The following POLI variants were observed in gnomAD, a reference collection of about 807,000 sequenced individuals.
POLI encodes DNA polymerase iota.
In POLI, 58 loss-of-function variants were observed where a neutral mutation model predicts 51.6. The observed-to-expected ratio is 1.12, with a 90% CI of 0.91 to 1.40. The LOEUF (loss-of-function observed/expected upper bound fraction) is 1.40, where lower values mean the gene tolerates loss of function less well. Among genes scored for constraint, POLI ranks in the 40% most tolerant of loss-of-function variants. The probability of loss-of-function intolerance (pLI) is 0.00; values close to 1 mark genes in which losing one functional copy is unlikely to be tolerated. For missense variants in POLI, 921 were observed against 871.3 expected (o/e 1.06, Z -0.72); for synonymous variants, 322 against 299.7 (o/e 1.07, Z -0.77).
intron 3 of POLI, among the ~76,000 whole-genome samples, chr18:54,306,725 G>T (rs1451045729): frequency 6.6e-6 from 1 of 152,096 alleles, no homozygotes; most frequent in Non-Finnish European, 1.5e-5. Flanking sequence ...TGGTTGGTAG[G>T]CTATTAATTG....
At chr18:54,280,952 T>TATACGTCTTATACATATACGTC in intron 5 of POLI, 49 bp downstream of exon 5, 1 of 997,728 alleles carries the variant, frequency 1.0e-6, no homozygotes, top group South Asian at 1.7e-5. Context: ...TTTTATTTCT[T>TATACGTCTTATACATATACGTC]TTAATTTAAA....
rs938330372 is a variant in POLI, at chr18:54,296,322, C to T, written c.*1855C>T. 5.0e-5 allele frequency: 49 copies of T among 984,830 alleles called. 1 individual carries two copies. The highest frequency in any genetic ancestry group is 2.4e-4 in the African/African-American group (14 of 57,324). The allele number at this position is 984,830 out of a possible 1,614,324, so 61.0% of individuals were successfully genotyped here. On this transcript the variant is annotated 3_prime_UTR_variant, in exon 10 of 10. Transcript: ENST00000579534. ...ATACATTTCATAGATTGAGAATGTACGGGCTATGTCACAGTTACGCTACTT... is the reference window on the plus strand; with the variant it reads ...ATACATTTCATAGATTGAGAATGTATGGGCTATGTCACAGTTACGCTACTT...
intron 3 of POLI, chr18:54,311,182 C>A: frequency 1.3e-6 from 1 of 797,184 alleles, no homozygotes; most frequent in Non-Finnish European, 1.5e-6. Flanking sequence ...ACAATTGTAA[C>A]CCAGTGATAA....
Position 54,280,718 on chromosome 18 carries a change from T to G in POLI, c.611T>G (p.Ile204Ser), listed in dbSNP as rs746619873. ...LHIRLLVGSQ[I>S]AAEMREAMYN... is the part of the protein sequence containing the mutation. ...ATCAGACTACTTGTTGGATCTCAGA[T>G]TGCAGCAGAGATGCGGGAAGCCATG... The change falls in exon 5 of 10, where the codon ATT becomes AGT. Residue 204 changes from isoleucine to serine, a missense_variant. By Grantham distance (142) the Ile-to-Ser change is moderately radical (BLOSUM62 -2). Transcript: ENST00000579534. The G allele has an allele frequency of 3.7e-6, 6 of 1,613,834 alleles. No homozygotes were observed. Among genetic ancestry groups the G allele is most frequent in the Non-Finnish European group, 5.1e-6 (6 of 1,179,830 alleles).
rs2088126780 is a variant in POLI at position 54,293,556 on chromosome 18, A to G, written c.1405-93A>G. On this transcript the variant is annotated intron_variant, in intron 9 of 9. Transcript: ENST00000579534. ...GTTGTATTTGTTGAGTAGGTTAGAA[A>G]CATGTCAGATAATAGCTACAGGCAC... 5.8e-6 allele frequency: 5 copies of G among 864,414 alleles called. No individual in the cohort carries two copies. The South Asian group carries it at 7.6e-5, about 13-fold the overall frequency. 53.5% of individuals were successfully genotyped at this position (864,414 alleles called of 1,614,324 possible). A position where few individuals can be genotyped will look rare whatever the true frequency, so the allele number is the denominator to read the frequency against.
At chr18:54,278,723 C>G (rs541529056) in intron 4 of POLI, among the ~76,000 whole-genome samples, 1 of 152,340 alleles carries the variant, frequency 6.6e-6, no homozygotes, top group Admixed American at 6.5e-5. Context: ...TGAAAATAAG[C>G]TGCAGTAAGC....
At chr18:54,313,726 G>T (rs981089967) in intron 3 of POLI, among the ~76,000 whole-genome samples, 2 of 152,066 alleles carry the variant, frequency 1.3e-5, no homozygotes, top group African/African-American at 2.4e-5. Flanking sequence ...ATTGTGAATG[G>T]GATTGTGTTC....
intron 3 of POLI, among the ~76,000 whole-genome samples, chr18:54,317,032 C>A (rs975666488): frequency 2.6e-5 from 4 of 152,170 alleles, no homozygotes; most frequent in Non-Finnish European, 4.4e-5. Context: ...CCATCATTAT[C>A]TTTTCAAAAT....
intron 2 of POLI, among the ~76,000 whole-genome samples, chr18:54,271,969 CTTTTTA>C (rs2087025911): frequency 6.6e-6 from 1 of 152,252 alleles, no homozygotes. Context: ...ACATAAGCAT[CTTTTTA>C]AATAAAAGCC....
chr18:54,300,654 A>G (rs2088474820), downstream of POLI, among the ~76,000 whole-genome samples: 1 of 152,198 alleles, frequency 6.6e-6, no homozygotes, highest in Admixed American at 6.5e-5. Context: ...AAAAACCTCA[A>G]TTAAAGGGCA....
At chr18:54,273,264 G>C (rs1163889190) in intron 2 of POLI, among the ~76,000 whole-genome samples, 2 of 151,422 alleles carry the variant, frequency 1.3e-5, no homozygotes, top group African/African-American at 4.8e-5. Context: ...CCCAGCACTT[G>C]TTTTATATAT....
intron 9 of POLI, among the ~76,000 whole-genome samples, chr18:54,293,309 T>TA (rs1182930353): frequency 6.6e-6 from 1 of 152,060 alleles, no homozygotes; most frequent in African/African-American, 2.4e-5. Flanking sequence ...AAAATACCCT[T>TA]AGGTGAACTT....
chr18:54,312,676 G>A (rs1157397425), intron 3 of POLI, among the ~76,000 whole-genome samples: 1 of 152,122 alleles, frequency 6.6e-6, no homozygotes, highest in Admixed American at 6.5e-5. Flanking sequence ...GTATTTCATT[G>A]TGATTTTGGA....
downstream of POLI, among the ~76,000 whole-genome samples, chr18:54,299,306 A>G (rs1284589986): frequency 6.6e-6 from 1 of 152,170 alleles, no homozygotes; most frequent in Non-Finnish European, 1.5e-5. Context: ...GTGGTGGTGC[A>G]CGCCTGTAGT....
At chr18:54,301,048 G>C (rs377324434), downstream of POLI, among the ~76,000 whole-genome samples, 65 of 152,242 alleles carry the variant, frequency 4.3e-4, no homozygotes, top group Middle Eastern at 6.8e-3. Context: ...GGGAGGCCAG[G>C]GTGGGCAGAT....
At chr18:54,316,265 T>C (rs921539399) in intron 3 of POLI, among the ~76,000 whole-genome samples, 2 of 152,144 alleles carry the variant, frequency 1.3e-5, no homozygotes, top group African/African-American at 4.8e-5. Context: ...AAAGTTAATA[T>C]TGGTATGGGA....
At chr18:54,301,147 C>T (rs913934099), downstream of POLI, among the ~76,000 whole-genome samples, 12 of 151,974 alleles carry the variant, frequency 7.9e-5, no homozygotes, top group African/African-American at 2.7e-4. Flanking sequence ...GGCGTGGTGG[C>T]GGGCACCTGT....
chr18:54,277,804 A>G lies in POLI; in HGVS notation c.508A>G (p.Ser170Gly). The G allele has an allele frequency of 6.2e-7, 1 of 1,613,220 alleles. No individual in the cohort carries two copies. The highest frequency in any genetic ancestry group is 8.5e-7 in the Non-Finnish European group (1 of 1,179,420). The change falls in exon 4 of 10, where the codon AGT becomes GGT. Residue 170 changes from serine to glycine, a missense_variant. Physicochemically the swap from Ser to Gly is moderately conservative, Grantham distance 56. Coordinates refer to ENST00000579534, the MANE Select transcript of POLI (RefSeq NM_007195.3). The stretch of plus-strand genomic sequence containing the variant: ...TGAGAAGAGACTACAGCAGCTGCAA[A>G]GTGATGAACTTTCTGCGGTGACTGT... ...MVEKRLQQLQ[S>G]DELSAVTVSG...
chr18:54,299,439 C>T (rs1425044360), downstream of POLI, among the ~76,000 whole-genome samples: 1 of 151,594 alleles, frequency 6.6e-6, no homozygotes, highest in African/African-American at 2.4e-5. Context: ...CATCTCAAAA[C>T]AAAACAAAAA....
Sources: gnomAD v4.1 joint callset for allele counts (sites outside exome capture counted in the v4.1 genomes callset) on GRCh38, gnomAD v4.1.1 for gene constraint, MANE v1.5 for transcripts, NCBI Gene and HGNC (gene_info 2026-07-23, HGNC 2026-07-21) for gene names.